Variants in RPA3 observed in about 807,000 individuals in gnomAD.
The protein encoded by RPA3 is replication protein A3, also known as replication protein A 14 kDa subunit.
A neutral mutation model predicts 13.7 loss-of-function variants in RPA3; 24 were observed. The ratio of observed to expected loss-of-function variants is 1.75; its 90% CI spans 1.27 to 2.46. The LOEUF (loss-of-function observed/expected upper bound fraction) is 2.46, where lower values mean the gene tolerates loss of function less well. Ranked by LOEUF, RPA3 falls within the 30% of genes most tolerant of loss-of-function variation. RPA3 has a pLI of 0.00. For missense variants in RPA3, 183 were observed against 151.0 expected (o/e 1.21, Z -1.11); for synonymous variants, 59 against 51.2 (o/e 1.15, Z -0.65).
At chr7:7,650,832 T>G (rs887116602) in intron 4 of RPA3, among the ~76,000 whole-genome samples, 1 of 152,224 alleles carries the variant, frequency 6.6e-6, no homozygotes, top group African/African-American at 2.4e-5. Context: ...GCATGGCATA[T>G]AAGAAAGACA....
At chr7:7,706,203 GT>G (rs2115162908) in intron 2 of RPA3, among the ~76,000 whole-genome samples, 1 of 152,216 alleles carries the variant, frequency 6.6e-6, no homozygotes, top group South Asian at 2.1e-4. Context: ...TGAAGTCCAT[GT>G]TGAGTCAGAA....
chr7:7,674,806 G>C (rs1228544057), intron 4 of RPA3, among the ~76,000 whole-genome samples: 1 of 152,034 alleles, frequency 6.6e-6, no homozygotes, highest in Non-Finnish European at 1.5e-5. Context: ...AATTAGCCTC[G>C]CTAACAGAAA....
At chr7:7,675,320 A>G (rs540020357) in intron 4 of RPA3, among the ~76,000 whole-genome samples, 1 of 152,096 alleles carries the variant, frequency 6.6e-6, no homozygotes, top group Non-Finnish European at 1.5e-5. Flanking sequence ...CTTTATCCCT[A>G]CTTCTCTGCC....
chr7:7,695,456 T>C (rs1386320804), intron 2 of RPA3, among the ~76,000 whole-genome samples: 1 of 152,244 alleles, frequency 6.6e-6, no homozygotes, highest in African/African-American at 2.4e-5. Flanking sequence ...TTACTCTGAT[T>C]CTGTCCATTT....
At position 7,690,791 on chromosome 7, in the gene RPA3, C is replaced by CAT. The variant is rs369593245; in HGVS notation, c.-1027-3465_-1027-3464dup. Reference sequence around the variant, plus strand: ...AATTATAGTGAAAGCATTCCCTTCACATATAAATGCTTTTCTAGCCTGTAG... The same window carrying CAT: ...AATTATAGTGAAAGCATTCCCTTCACATATATAAATGCTTTTCTAGCCTGTAG... On this transcript the variant is annotated intron_variant, in intron 2 of 7. Coordinates refer to ENST00000223129, the MANE Select transcript of RPA3 (RefSeq NM_002947.5). 5.8e-3 allele frequency among the ~76,000 whole-genome samples: 884 copies of CAT among 152,262 alleles called. 10 individuals are homozygous for CAT. The highest frequency in any genetic ancestry group is 0.02 in the African/African-American group (839 of 41,550).
At chr7:7,688,693 A>G (rs1463153445) in intron 2 of RPA3, among the ~76,000 whole-genome samples, 2 of 152,072 alleles carry the variant, frequency 1.3e-5, no homozygotes, top group Non-Finnish European at 2.9e-5. Context: ...TTGTTTTGTA[A>G]TGTTATTTAC....
At chr7:7,673,216 A>G (rs1006132481) in intron 4 of RPA3, 2 of 809,074 alleles carry the variant, frequency 2.5e-6, no homozygotes, top group African/African-American at 1.7e-5. Flanking sequence ...AAGAGTAACT[A>G]TTGTTATATC....
intron 4 of RPA3, among the ~76,000 whole-genome samples, chr7:7,642,573 CAG>C (rs1468948457): frequency 3.6e-4 from 55 of 152,076 alleles, no homozygotes; most frequent in African/African-American, 1.2e-3. Flanking sequence ...TCTTTTAAAA[CAG>C]GGAGATGAGC....
chr7:7,659,025 T>C (rs919310670), intron 4 of RPA3, among the ~76,000 whole-genome samples: 1 of 152,218 alleles, frequency 6.6e-6, no homozygotes, highest in African/African-American at 2.4e-5. Flanking sequence ...CTTCCTGGTT[T>C]AGACTTGGGA....
intron 4 of RPA3, among the ~76,000 whole-genome samples, chr7:7,661,988 C>T (rs1254423307): frequency 6.6e-6 from 1 of 152,174 alleles, no homozygotes; most frequent in Non-Finnish European, 1.5e-5. Context: ...TGCTGCCTTT[C>T]TTTCAGAGAT....
rs137915671 is a variant in RPA3 at position 7,656,920 on chromosome 7, C to T, written c.-757-15745G>A. Among the ~76,000 whole-genome samples, 78 of 152,348 alleles carry T rather than the reference C, an allele frequency of 5.1e-4. 1 individual carries two copies. The highest frequency in any genetic ancestry group is 1.7e-3 in the African/African-American group (70 of 41,590). Reference sequence around the variant, plus strand: ...CTTCCACAATGGTTGAACTAATTTACACTTCCACCAACAGTGTTAAAAGCC... The same window carrying T: ...CTTCCACAATGGTTGAACTAATTTATACTTCCACCAACAGTGTTAAAAGCC... On this transcript the variant is annotated intron_variant, in intron 4 of 7. Transcript: ENST00000223129.
At chr7:7,639,028 TTAACTATAA>T in intron 6 of RPA3, 33 bp downstream of exon 6, 1 of 1,405,028 alleles carries the variant, frequency 7.1e-7, no homozygotes, top group Non-Finnish European at 9.6e-7. Context: ...AGATGAAGAA[TTAACTATAA>T]TATATAAGAG....
At chr7:7,640,167 G>T in intron 5 of RPA3, 153 bp downstream of exon 5, 1 of 776,446 alleles carries the variant, frequency 1.3e-6, no homozygotes, top group Non-Finnish European at 2.2e-6. Context: ...GGCTACAACG[G>T]CTAAAGAATT....
rs143802549 is a variant in RPA3, at chr7:7,649,022, G to C, written c.-757-7847C>G. 9.7e-3 allele frequency among the ~76,000 whole-genome samples: 1,473 copies of C among 152,112 alleles called. 32 individuals carry two copies. The highest frequency in any genetic ancestry group is 0.034 in the African/African-American group (1,416 of 41,480). ...AAAGTACAAAAATTAGCCAGGCATG[G>C]TGGCGGATGCCTGTAATCCCAGCTA... is the stretch of plus-strand genomic sequence containing the variant. On this transcript the variant is annotated intron_variant, in intron 4 of 7. Coordinates refer to ENST00000223129, the MANE Select transcript of RPA3 (RefSeq NM_002947.5).
chr7:7,664,743 C>G (rs1779393759), intron 4 of RPA3, among the ~76,000 whole-genome samples: 2 of 152,154 alleles, frequency 1.3e-5, no homozygotes, highest in Non-Finnish European at 2.9e-5. Flanking sequence ...TTTATGCTTT[C>G]TAGCGTTGTT....
intron 4 of RPA3, among the ~76,000 whole-genome samples, chr7:7,664,256 T>A (rs1583708216): frequency 6.6e-6 from 1 of 152,160 alleles, no homozygotes; most frequent in South Asian, 2.1e-4. Flanking sequence ...TTTCTGTACA[T>A]CCCTTCTTTT....
intron 2 of RPA3, among the ~76,000 whole-genome samples, chr7:7,713,546 T>C (rs1270050275): frequency 6.6e-6 from 1 of 152,138 alleles, no homozygotes; most frequent in Non-Finnish European, 1.5e-5. Flanking sequence ...AGTTTTAGGA[T>C]GTATTGTTCC....
chr7:7,654,828 T>A (rs371854692), intron 4 of RPA3, among the ~76,000 whole-genome samples: 2 of 150,270 alleles, frequency 1.3e-5, no homozygotes, highest in East Asian at 3.9e-4. Flanking sequence ...CGCTTGAACC[T>A]GGAGGCAGAG....
At chr7:7,671,863 A>C (rs1416701274) in intron 4 of RPA3, among the ~76,000 whole-genome samples, 1 of 152,122 alleles carries the variant, frequency 6.6e-6, no homozygotes, top group African/African-American at 2.4e-5. Flanking sequence ...GGATTTCAGA[A>C]GCTGTTCCTT....
Sources: gnomAD v4.1 joint callset for allele counts (sites outside exome capture counted in the v4.1 genomes callset) on GRCh38, gnomAD v4.1.1 for gene constraint, MANE v1.5 for transcripts, NCBI Gene and HGNC (gene_info 2026-07-23, HGNC 2026-07-21) for gene names.